Variants in SNAP91 observed in about 807,000 individuals in gnomAD.
The protein encoded by SNAP91 is clathrin coat assembly protein AP180.
Under a neutral mutation model 100.3 loss-of-function variants are expected in SNAP91, and 27 were observed. That is an observed-to-expected ratio of 0.27 (90% CI 0.20 to 0.37). The LOEUF is 0.37. Ranked by LOEUF, SNAP91 falls within the 10% of genes least tolerant of loss-of-function variation. The probability of loss-of-function intolerance (pLI) is 1.00; values close to 1 mark genes in which losing one functional copy is unlikely to be tolerated. For synonymous variants in SNAP91, 404 were observed against 398.6 expected, an observed-to-expected ratio of 1.01 and a Z score of -0.16; for missense variants, 986 against 1,123.7, an observed-to-expected ratio of 0.88 and a Z score of 1.75.
chr6:83,601,388 G>C lies in SNAP91; in HGVS notation c.1207C>G (p.Pro403Ala). 1.2e-6 allele frequency: 2 copies of C among 1,613,594 alleles called. No homozygotes were observed. The highest frequency in any genetic ancestry group is 2.2e-5 in the South Asian group (2 of 91,038). Residue 403 changes from proline to alanine, a missense_variant, in exon 16 of 30, where the codon CCA (proline) becomes GCA (alanine). By Grantham distance (27) the Pro-to-Ala change is conservative. Coordinates refer to ENST00000369694, the MANE Select transcript of SNAP91 (RefSeq NM_001242792.2). ...SVPSEAQISD[P>A]FAPEPTPPTT... ...GGAGGGGTAGGTTCTGGTGCAAATG[G>C]ATCTGAAATCTGTGCTTCAGAGGGA...
chr6:83,708,145 A>G (rs1013956344), intron 1 of SNAP91, 188 bp from the exon 2 acceptor site: 2 of 501,226 alleles, frequency 4.0e-6, no homozygotes, highest in Non-Finnish European at 3.4e-6. Flanking sequence ...CTTGGCCGTG[A>G]GTAGGGCCGT....
At chr6:83,681,860 A>G (rs574255488) in intron 2 of SNAP91, among the ~76,000 whole-genome samples, 4 of 152,288 alleles carry the variant, frequency 2.6e-5, no homozygotes, top group Admixed American at 2.6e-4. Context: ...CTGGACTGAA[A>G]AACAGTTTAA....
chr6:83,695,558 A>G (rs1364669402), intron 2 of SNAP91, among the ~76,000 whole-genome samples: 1 of 152,176 alleles, frequency 6.6e-6, no homozygotes, highest in African/African-American at 2.4e-5. Context: ...TTTACCTGAT[A>G]TAAAGCTGTA....
chr6:83,677,251 T>C (rs1200116531), intron 2 of SNAP91, among the ~76,000 whole-genome samples: 1 of 152,186 alleles, frequency 6.6e-6, no homozygotes, highest in African/African-American at 2.4e-5. Context: ...CAGAGTTATG[T>C]CAGTCATTTC....
At chr6:83,672,700 T>C (rs1255201208) in intron 2 of SNAP91, among the ~76,000 whole-genome samples, 1 of 152,198 alleles carries the variant, frequency 6.6e-6, no homozygotes, top group African/African-American at 2.4e-5. Context: ...TCTAAAATAC[T>C]TTCATACTAA....
intron 22 of SNAP91, among the ~76,000 whole-genome samples, chr6:83,586,889 A>G (rs1340281602): frequency 6.7e-6 from 1 of 150,306 alleles, no homozygotes; most frequent in Non-Finnish European, 1.5e-5. Flanking sequence ...TGTCCTCTCC[A>G]GAATTTTTTA....
chr6:83,556,232 G>C lies in SNAP91; in HGVS notation c.2645C>G (p.Pro882Arg). 2 of 1,559,036 alleles carry C rather than the reference G, an allele frequency of 1.3e-6. No individual in the cohort carries two copies. Among genetic ancestry groups the C allele is most frequent in the Non-Finnish European group, 1.7e-6 (2 of 1,151,232 alleles). ...CTTGGGACTCTGACTGGCAGGTGTAGGGCTTGGAGAAAGCTAATGGGAAAA... is the reference window on the plus strand; with the variant it reads ...CTTGGGACTCTGACTGGCAGGTGTACGGCTTGGAGAAAGCTAATGGGAAAA... ...AVPGTQLSPSPTPASQSPKKP... is the reference protein window; with the variant it reads ...AVPGTQLSPSRTPASQSPKKP... The change falls in exon 29 of 30, where the codon CCT becomes CGT. Residue 882 changes from proline (P) to arginine (R), a missense_variant. Physicochemically the swap from Pro to Arg is moderately radical, Grantham distance 103. Transcript: ENST00000369694.
At chr6:83,636,771 T>C (rs2097467864) in intron 8 of SNAP91, among the ~76,000 whole-genome samples, 1 of 152,246 alleles carries the variant, frequency 6.6e-6, no homozygotes, top group Admixed American at 6.5e-5. Context: ...AGCTGATTCC[T>C]TCTCGTCTGA....
At chr6:83,585,541 A>AAAAC (rs3037002) in intron 22 of SNAP91, among the ~76,000 whole-genome samples, 110,491 of 147,782 alleles carry the variant, frequency 0.75, 41,486 homozygotes, top group East Asian at 0.87. Context: ...AAAAAAAAAA[A>AAAAC]AAAAAGAAAG....
intron 7 of SNAP91, among the ~76,000 whole-genome samples, chr6:83,652,019 T>C (rs2098229151): frequency 6.6e-6 from 1 of 152,198 alleles, no homozygotes; most frequent in Admixed American, 6.5e-5. Flanking sequence ...ATAACTACTC[T>C]TGCTTTATTT....
chr6:83,585,454 A>C (rs2092309098), intron 22 of SNAP91, among the ~76,000 whole-genome samples: 2 of 151,958 alleles, frequency 1.3e-5, no homozygotes, highest in Non-Finnish European at 2.9e-5. Flanking sequence ...GCTTTAGCTC[A>C]TCAGTTCAAG....
At chr6:83,674,215 G>A (rs948153312) in intron 2 of SNAP91, among the ~76,000 whole-genome samples, 2 of 151,972 alleles carry the variant, frequency 1.3e-5, no homozygotes, top group African/African-American at 2.4e-5. Context: ...ACTTGAGGTC[G>A]GGAGTTTGAA....
chr6:83,563,444 AT>A (rs1791547061), intron 26 of SNAP91, among the ~76,000 whole-genome samples: 1 of 152,206 alleles, frequency 6.6e-6, no homozygotes, highest in African/African-American at 2.4e-5. Flanking sequence ...CTGAAAAAAA[AT>A]GACTGAAAAC....
intron 7 of SNAP91, among the ~76,000 whole-genome samples, chr6:83,650,584 A>G (rs1257715942): frequency 1.3e-5 from 2 of 151,638 alleles, no homozygotes; most frequent in Non-Finnish European, 2.9e-5. Flanking sequence ...CACCCAGCTA[A>G]TTTTTGTATT....
At chr6:83,647,103 G>T (rs574300830) in intron 7 of SNAP91, among the ~76,000 whole-genome samples, 44 of 134,642 alleles carry the variant, frequency 3.3e-4, no homozygotes, top group South Asian at 9.4e-4. Context: ...CGATTCTTTT[G>T]GATTTTCTAC....
intron 2 of SNAP91, among the ~76,000 whole-genome samples, chr6:83,698,646 G>A (rs947058043): frequency 2.6e-5 from 4 of 152,160 alleles, no homozygotes; most frequent in Non-Finnish European, 5.9e-5. Context: ...GGGTAGATAA[G>A]GGAAAAAAAT....
intron 2 of SNAP91, among the ~76,000 whole-genome samples, chr6:83,684,389 C>T (rs1036367503): frequency 8.5e-5 from 13 of 152,176 alleles, no homozygotes; most frequent in African/African-American, 3.1e-4. Context: ...CAAACAAGAA[C>T]CCCCATGCTC....
chr6:83,683,102 A>G (rs955489533), intron 2 of SNAP91, among the ~76,000 whole-genome samples: 1 of 151,996 alleles, frequency 6.6e-6, no homozygotes, highest in Non-Finnish European at 1.5e-5. Context: ...CTAGTTTTTA[A>G]AAGTCATATT....
chr6:83,665,562 G>A lies in SNAP91; in HGVS notation c.150C>T (p.Asn50=), dbSNP rs751382806. The change falls in exon 3 of 30, where the codon AAC becomes AAT. Residue 50 remains asparagine, a synonymous_variant. Transcript: ENST00000369694. ...KHLDYLIQAT[N]ETNVNIPQMA... Reference sequence around the variant, plus strand: ...TCTGAGGAATATTAACATTGGTCTCGTTGGTAGCCTGGATCAAATCTATGA... The same window carrying A: ...TCTGAGGAATATTAACATTGGTCTCATTGGTAGCCTGGATCAAATCTATGA... 1.7e-5 allele frequency: 28 copies of A among 1,611,206 alleles called. No individual in the cohort carries two copies. Among genetic ancestry groups the A allele is most frequent in the South Asian group, 7.7e-5 (7 of 90,878 alleles).
Sources: allele counts gnomAD v4.1 joint callset (sites outside exome capture counted in the v4.1 genomes callset), GRCh38; gene constraint gnomAD v4.1.1; transcripts MANE v1.5; gene names NCBI Gene and HGNC (gene_info 2026-07-23, HGNC 2026-07-21).